The following STK3 variants were observed in gnomAD, a reference collection of about 807,000 sequenced individuals.
The protein encoded by STK3 is serine/threonine kinase 3.
In STK3, 41 loss-of-function variants were observed where a neutral mutation model predicts 58.0. The ratio of observed to expected loss-of-function variants is 0.71; its 90% confidence interval spans 0.55 to 0.92. The LOEUF (loss-of-function observed/expected upper bound fraction) is 0.92, where lower values mean the gene tolerates loss of function less well. STK3 is among the 40% of genes least tolerant of loss of function. The pLI is 0.00. For synonymous variants in STK3, 170 were observed against 191.0 expected (o/e 0.89, Z 0.91); for missense variants, 479 against 602.7 (o/e 0.79, Z 2.15).
intron 10 of STK3, among the ~76,000 whole-genome samples, chr8:98,513,311 T>C (rs1824667620): frequency 6.6e-6 from 1 of 152,110 alleles, no homozygotes; most frequent in African/African-American, 2.4e-5. Context: ...CAAGGGTACA[T>C]CAGGAGCACT....
chr8:98,386,379 T>A (rs1297825562), intron 1 of STK3, among the ~76,000 whole-genome samples: 2 of 152,202 alleles, frequency 1.3e-5, no homozygotes, highest in Admixed American at 6.5e-5. Context: ...CTGAAATACA[T>A]AATAGATTAC....
chr8:98,657,302 T>TA (rs1490776371), intron 6 of STK3, among the ~76,000 whole-genome samples: 1 of 151,914 alleles, frequency 6.6e-6, no homozygotes, highest in African/African-American at 2.4e-5. Context: ...ACTATGAAAA[T>TA]AAAAATGCTA....
chr8:98,900,363 G>A (rs564612820), intron 1 of STK3, among the ~76,000 whole-genome samples: 130 of 152,278 alleles, frequency 8.5e-4, no homozygotes, highest in African/African-American at 2.9e-3. Flanking sequence ...TTACAGGCGT[G>A]AGCCACCATG....
At chr8:98,846,452 C>T (rs1054811029) in intron 3 of STK3, among the ~76,000 whole-genome samples, 3 of 152,198 alleles carry the variant, frequency 2.0e-5, no homozygotes, top group African/African-American at 7.2e-5. Flanking sequence ...TATTAAGCAA[C>T]TACTATGTTC....
rs1818289002 is a variant in STK3, at chr8:98,428,972, G to C, written n.483+5155C>G. The C allele has an allele frequency of 6.2e-7, 1 of 1,614,166 alleles. No individual in the cohort carries two copies. Among genetic ancestry groups the C allele is most frequent in the Non-Finnish European group, 8.5e-7 (1 of 1,180,032 alleles). On this transcript the variant is annotated intron_variant and non_coding_transcript_variant, in intron 3 of 3. Transcript: ENST00000517832. The surrounding 1 kb of genome is among the most constrained non-coding windows in gnomAD (Gnocchi z 6.7). ...AATACAGCTACAAAGAAGTAGGGCT[G>C]CTCTTGCTCTACCTCTCCGTGGGGA...
chr8:98,617,573 A>G (rs1371903112), intron 6 of STK3, among the ~76,000 whole-genome samples: 3 of 152,096 alleles, frequency 2.0e-5, no homozygotes, highest in Admixed American at 2.0e-4. Context: ...TAGCAAGACT[A>G]ACAAAGAAAA....
intron 1 of STK3, among the ~76,000 whole-genome samples, chr8:98,886,651 A>C (rs1339064358): frequency 6.6e-6 from 1 of 152,204 alleles, no homozygotes; most frequent in African/African-American, 2.4e-5. Flanking sequence ...AAAAACTAAA[A>C]ATATTGTGCC....
At chr8:98,482,577 G>A (rs1364374553) in intron 10 of STK3, among the ~76,000 whole-genome samples, 1 of 152,078 alleles carries the variant, frequency 6.6e-6, no homozygotes, top group Non-Finnish European at 1.5e-5. Flanking sequence ...GCTCAGCAGT[G>A]ATTTGATTCA....
intron 6 of STK3, among the ~76,000 whole-genome samples, chr8:98,656,810 A>T (rs1385791270): frequency 6.6e-6 from 1 of 152,062 alleles, no homozygotes; most frequent in Non-Finnish European, 1.5e-5. Context: ...CTCAATTCTG[A>T]TTCATTTGCT....
intron 1 of STK3, among the ~76,000 whole-genome samples, chr8:98,895,683 G>T (rs548240749): frequency 5.8e-4 from 88 of 152,300 alleles, no homozygotes; most frequent in African/African-American, 2.1e-3. Flanking sequence ...AATGCCAAGG[G>T]TGCTGAGTGG....
chr8:98,554,720 A>C (rs1477416571), intron 8 of STK3, among the ~76,000 whole-genome samples: 1 of 152,136 alleles, frequency 6.6e-6, no homozygotes, highest in East Asian at 1.9e-4. Context: ...TGGAATGATA[A>C]CTAGTTAAAC....
chr8:98,413,710 T>C, intron 3 of STK3: 1 of 935,218 alleles, frequency 1.1e-6, no homozygotes, highest in Non-Finnish European at 1.7e-6. Context: ...AAAGCCACCG[T>C]TCTTTTCTGT....
At position 98,746,609 on chromosome 8, in the gene STK3, T is replaced by A. The variant is rs150793832; in HGVS notation, c.351+2667A>T. Among the ~76,000 whole-genome samples the A allele has an allele frequency of 8.7e-4, 133 of 152,086 alleles. 1 individual carries two copies. Among genetic ancestry groups the A allele is most frequent in the African/African-American group, 3.0e-3 (125 of 41,484 alleles). On this transcript the variant is annotated intron_variant, in intron 4 of 10. Coordinates refer to ENST00000419617, the MANE Select transcript of STK3 (RefSeq NM_006281.4). ...GCCTGAGTGACAGAGCAAGACCCTG[T>A]CTCAAAAATAAAAATAAAAAATAAA...
Position 98,716,735 on chromosome 8 carries a change from C to A in STK3, c.352-9424G>T, listed in dbSNP as rs138807538. 3.7e-4 allele frequency among the ~76,000 whole-genome samples: 56 copies of A among 152,034 alleles called. 1 individual carries two copies. The highest frequency in any genetic ancestry group is 1.3e-3 in the African/African-American group (55 of 41,488). ...CAAAACAACACTGAAAATAGAAGAA[C>A]AAAGCTAAAATTCTCATAGTTCCTG... On this transcript the variant is annotated intron_variant, in intron 4 of 10. Transcript: ENST00000419617.
At chr8:98,504,110 T>C (rs568840961) in intron 10 of STK3, among the ~76,000 whole-genome samples, 1 of 152,368 alleles carries the variant, frequency 6.6e-6, no homozygotes, top group African/African-American at 2.4e-5. Flanking sequence ...TAGTTAGCTC[T>C]TCTTGTTGAA....
chr8:98,734,634 G>A (rs528899167), intron 4 of STK3, among the ~76,000 whole-genome samples: 2 of 152,196 alleles, frequency 1.3e-5, no homozygotes, highest in South Asian at 2.1e-4. Flanking sequence ...TCTTTTAAGA[G>A]CTTCAATTTC....
chr8:98,387,033 A>G (rs907750874), intron 1 of STK3, among the ~76,000 whole-genome samples: 1 of 152,114 alleles, frequency 6.6e-6, no homozygotes, highest in Non-Finnish European at 1.5e-5. Context: ...GGAAAATGCA[A>G]TTCTTAAAAA....
intron 3 of STK3, among the ~76,000 whole-genome samples, chr8:98,852,803 C>T (rs1002937775): frequency 6.6e-6 from 1 of 152,170 alleles, no homozygotes; most frequent in Admixed American, 6.5e-5. Flanking sequence ...TTAAAATAAA[C>T]CCCATGTTAC....
At chr8:98,556,517 G>C (rs1811600416) in intron 8 of STK3, among the ~76,000 whole-genome samples, 1 of 152,006 alleles carries the variant, frequency 6.6e-6, no homozygotes, top group African/African-American at 2.4e-5. Flanking sequence ...ATAGACAGTG[G>C]CATTCTAAAC....
Sources: allele counts gnomAD v4.1 joint callset (sites outside exome capture counted in the v4.1 genomes callset), GRCh38; gene constraint gnomAD v4.1.1; non-coding constraint Gnocchi (gnomAD v3.1); transcripts MANE v1.5; gene names NCBI Gene and HGNC (gene_info 2026-07-23, HGNC 2026-07-21).